Variants in LRCH1 observed in about 807,000 individuals in gnomAD.
LRCH1 encodes the protein leucine-rich repeat and calponin homology domain-containing protein 1.
LRCH1 carries 23 observed loss-of-function variants against 94.9 expected under a neutral mutation model. The ratio of observed to expected loss-of-function variants is 0.24; its 90% CI spans 0.17 to 0.34. LRCH1 has a LOEUF of 0.34. Ranked by LOEUF, LRCH1 falls within the 10% of genes least tolerant of loss-of-function variation. The pLI, the probability that LRCH1 is intolerant of heterozygous loss-of-function variation, is 1.00. For synonymous variants in LRCH1, 364 were observed against 354.9 expected (o/e 1.03, Z -0.29); for missense variants, 790 against 945.9 (o/e 0.84, Z 2.16).
intron 19 of LRCH1, among the ~76,000 whole-genome samples, chr13:46,741,256 T>C (rs1028635931): frequency 6.6e-6 from 1 of 152,238 alleles, no homozygotes; most frequent in African/African-American, 2.4e-5. Context: ...TTTTAAACTT[T>C]ATAGTTTTTC....
rs73487705 is a variant in LRCH1, at chr13:46,645,324, T to A, written c.308-4877T>A. On this transcript the variant is annotated intron_variant, in intron 1 of 19. Coordinates refer to ENST00000389797, the MANE Select transcript of LRCH1 (RefSeq NM_001164211.2). Reference sequence around the variant, plus strand: ...TCCCAAGTTTGAAAACAGAACACTTTTAAAATTCAGATTATATGATGGAAT... The same window carrying A: ...TCCCAAGTTTGAAAACAGAACACTTATAAAATTCAGATTATATGATGGAAT... 3.6e-3 allele frequency among the ~76,000 whole-genome samples: 554 copies of A among 152,338 alleles called. 4 individuals carry two copies. The highest frequency in any genetic ancestry group is 0.012 in the African/African-American group (495 of 41,576).
In LRCH1 at chr13:46,701,417, C is replaced by T. The variant is rs192552848; in HGVS notation, c.1400+210C>T. Among the ~76,000 whole-genome samples the T allele has an allele frequency of 2.6e-5, 4 of 152,290 alleles. No homozygotes were observed. In the East Asian group the frequency reaches 7.7e-4, roughly 29 times the overall value. ...AGGGAGTGAGATCAATTTCCCCTTTCACCACCCTTTATTGAGTTCATTCAC... is the reference window on the plus strand; with the variant it reads ...AGGGAGTGAGATCAATTTCCCCTTTTACCACCCTTTATTGAGTTCATTCAC... On this transcript the variant is annotated intron_variant, in intron 11 of 19. Transcript: ENST00000389797.
intron 17 of LRCH1, among the ~76,000 whole-genome samples, chr13:46,724,175 A>G (rs1872708937): frequency 6.6e-6 from 1 of 152,008 alleles, no homozygotes; most frequent in African/African-American, 2.4e-5. Context: ...TTTTTACTAG[A>G]AAAACGTTGG....
At chr13:46,590,140 G>A (rs2050483150) in intron 1 of LRCH1, among the ~76,000 whole-genome samples, 1 of 152,132 alleles carries the variant, frequency 6.6e-6, no homozygotes, top group Non-Finnish European at 1.5e-5. Context: ...TCTTCGCAGA[G>A]TGATTTTTCT....
At chr13:46,613,108 A>G (rs1315197086) in intron 1 of LRCH1, among the ~76,000 whole-genome samples, 8 of 152,212 alleles carry the variant, frequency 5.3e-5, no homozygotes, top group South Asian at 4.1e-4. Flanking sequence ...ATGCATTTCT[A>G]GGGCTGGGCG....
At chr13:46,747,377 C>T (rs1873950885), downstream of LRCH1, among the ~76,000 whole-genome samples, 1 of 152,218 alleles carries the variant, frequency 6.6e-6, no homozygotes, top group Non-Finnish European at 1.5e-5. Context: ...CCCTCGCATG[C>T]CCTTCAGCTT....
intron 1 of LRCH1, among the ~76,000 whole-genome samples, chr13:46,590,952 T>A (rs2050492547): frequency 6.6e-6 from 1 of 152,158 alleles, no homozygotes; most frequent in Non-Finnish European, 1.5e-5. Context: ...TTCTCTGAAC[T>A]TTATTTTTCA....
intron 3 of LRCH1, among the ~76,000 whole-genome samples, chr13:46,677,018 G>T (rs575053047): frequency 6.6e-6 from 1 of 152,160 alleles, no homozygotes; most frequent in South Asian, 2.1e-4. Context: ...GAGCTCAAGC[G>T]ATCTGCCCAC....
At chr13:46,630,763 C>A (rs777326424) in intron 1 of LRCH1, among the ~76,000 whole-genome samples, 13 of 152,134 alleles carry the variant, frequency 8.5e-5, no homozygotes, top group Non-Finnish European at 5.9e-5. Flanking sequence ...AACTGATATC[C>A]AGAACAATGG....
intron 1 of LRCH1, among the ~76,000 whole-genome samples, chr13:46,588,596 CTTTTT>C (rs139602811): frequency 4.0e-5 from 4 of 100,142 alleles, no homozygotes; most frequent in Admixed American, 1.1e-4. Flanking sequence ...CTCTCTCTGT[CTTTTT>C]TTTTTTTTTT....
chr13:46,733,276 G>A (rs1392118905), intron 18 of LRCH1, among the ~76,000 whole-genome samples: 2 of 152,154 alleles, frequency 1.3e-5, no homozygotes, highest in Non-Finnish European at 2.9e-5. Flanking sequence ...CACCTCAGAG[G>A]CCATCTATAA....
At chr13:46,699,766 A>C (rs1054257520) in intron 10 of LRCH1, among the ~76,000 whole-genome samples, 5 of 152,182 alleles carry the variant, frequency 3.3e-5, no homozygotes, top group Non-Finnish European at 7.4e-5. Flanking sequence ...TCTTTACCCC[A>C]AGTCATCCCC....
chr13:46,637,749 C>G (rs936455222), intron 1 of LRCH1, among the ~76,000 whole-genome samples: 14 of 151,976 alleles, frequency 9.2e-5, no homozygotes, highest in Non-Finnish European at 2.1e-4. Context: ...CTAGCGCTTA[C>G]CACCCTGTAA....
intron 1 of LRCH1, among the ~76,000 whole-genome samples, chr13:46,592,692 A>G (rs750808767): frequency 2.6e-5 from 4 of 152,190 alleles, no homozygotes; most frequent in South Asian, 2.1e-4. Flanking sequence ...TGCCAGCTCT[A>G]TCATACCTAA....
At chr13:46,657,713 G>T (rs12870005) in intron 2 of LRCH1, among the ~76,000 whole-genome samples, 1 of 15,812 alleles carries the variant, frequency 6.3e-5, no homozygotes, top group Non-Finnish European at 1.5e-4. Flanking sequence ...TTTTTTGGTA[G>T]AGATGGAATT....
chr13:46,730,635 A>G (rs1873056176), intron 18 of LRCH1, among the ~76,000 whole-genome samples: 1 of 152,328 alleles, frequency 6.6e-6, no homozygotes, highest in African/African-American at 2.4e-5. Flanking sequence ...AAAAAGACCA[A>G]TTTGTCTTCT....
At chr13:46,690,847 A>G (rs1359846739) in intron 7 of LRCH1, among the ~76,000 whole-genome samples, 1 of 152,198 alleles carries the variant, frequency 6.6e-6, no homozygotes, top group African/African-American at 2.4e-5. Context: ...AGATTTTACC[A>G]TCTATGATCA....
At chr13:46,719,963 A>C (rs1030939606) in intron 16 of LRCH1, among the ~76,000 whole-genome samples, 7 of 152,186 alleles carry the variant, frequency 4.6e-5, no homozygotes, top group Non-Finnish European at 1.0e-4. Flanking sequence ...GTGCCACTGC[A>C]CTCCAGCCTG....
chr13:46,598,028 C>T (rs2050584263), intron 1 of LRCH1, among the ~76,000 whole-genome samples: 1 of 152,076 alleles, frequency 6.6e-6, no homozygotes, highest in South Asian at 2.1e-4. Context: ...TGCCTGTAAT[C>T]CCAGCACTTT....
Sources: allele counts gnomAD v4.1 joint callset (sites outside exome capture counted in the v4.1 genomes callset), GRCh38; gene constraint gnomAD v4.1.1; transcripts MANE v1.5; gene names NCBI Gene and HGNC (gene_info 2026-07-23, HGNC 2026-07-21).